The following PCCA variants were observed in gnomAD, a reference collection of about 807,000 sequenced individuals.
PCCA encodes the protein propionyl-CoA carboxylase subunit alpha.
A neutral mutation model predicts 101.3 loss-of-function variants in PCCA; 74 were observed. That is an observed-to-expected ratio of 0.73 (90% CI 0.61 to 0.89). The LOEUF (loss-of-function observed/expected upper bound fraction) is 0.89. Ranked by LOEUF, PCCA falls within the 40% of genes least tolerant of loss-of-function variation. The probability of loss-of-function intolerance (pLI) is 0.00; values close to 1 mark genes in which losing one functional copy is unlikely to be tolerated. For missense variants in PCCA, 891 were observed against 907.0 expected (o/e 0.98, Z 0.23); for synonymous variants, 294 against 313.6 (o/e 0.94, Z 0.66).
chr13:100,135,656 A>AT (rs923559499), intron 4 of PCCA, among the ~76,000 whole-genome samples: 11 of 151,370 alleles, frequency 7.3e-5, no homozygotes, highest in Non-Finnish European at 1.3e-4. Context: ...CTTTTATTTT[A>AT]TTTTTTTCTG....
intron 19 of PCCA, among the ~76,000 whole-genome samples, chr13:100,401,636 C>T (rs2077371689): frequency 1.3e-5 from 2 of 151,878 alleles, no homozygotes; most frequent in Non-Finnish European, 2.9e-5. Context: ...TTGTACCATT[C>T]CCAGTCATTT....
At chr13:100,336,032 TG>T (rs1300361656) in intron 17 of PCCA, among the ~76,000 whole-genome samples, 1 of 151,890 alleles carries the variant, frequency 6.6e-6, no homozygotes, top group Admixed American at 6.6e-5. Context: ...GGAGGCCGAG[TG>T]GGGCGGATCG....
At chr13:100,149,778 A>G (rs1263747596) in intron 4 of PCCA, 1 of 152,188 alleles carries the variant, frequency 6.6e-6, no homozygotes, top group African/African-American at 2.4e-5. Context: ...ATGAAGAAAC[A>G]TTTCCAAACC....
chr13:100,276,213 CAAAA>C (rs59671834), intron 12 of PCCA, among the ~76,000 whole-genome samples: 11 of 102,126 alleles, frequency 1.1e-4, no homozygotes, highest in South Asian at 2.7e-4. Flanking sequence ...TTGTCTGTAC[CAAAA>C]AAAAAAAAAA....
intron 7 of PCCA, among the ~76,000 whole-genome samples, chr13:100,227,390 G>GT (rs769715039): frequency 1.6e-4 from 24 of 152,080 alleles, no homozygotes; most frequent in African/African-American, 2.4e-4. Flanking sequence ...CTCTTTTCAC[G>GT]TTTTTTCTGG....
At chr13:100,434,386 C>T (rs944224890) in intron 20 of PCCA, among the ~76,000 whole-genome samples, 2 of 152,126 alleles carry the variant, frequency 1.3e-5, no homozygotes, top group Non-Finnish European at 2.9e-5. Context: ...ATACCCTTTT[C>T]TACTTCAGAG....
intron 8 of PCCA, among the ~76,000 whole-genome samples, chr13:100,241,900 C>T (rs1183531391): frequency 8.6e-5 from 13 of 152,036 alleles, no homozygotes; most frequent in African/African-American, 3.1e-4. Flanking sequence ...GTATATTCTT[C>T]GAAGTGAAAT....
intron 18 of PCCA, among the ~76,000 whole-genome samples, chr13:100,351,329 G>A (rs1023844504): frequency 6.6e-6 from 1 of 152,152 alleles, no homozygotes; most frequent in African/African-American, 2.4e-5. Flanking sequence ...GTGGTTTAGA[G>A]ATTGTCAGTG....
chr13:100,510,232 A>C (rs1400103397), intron 21 of PCCA, among the ~76,000 whole-genome samples: 1 of 152,204 alleles, frequency 6.6e-6, no homozygotes, highest in Non-Finnish European at 1.5e-5. Flanking sequence ...TTTACTCGAT[A>C]ATCCTTTATC....
intron 22 of PCCA, among the ~76,000 whole-genome samples, chr13:100,527,098 G>A (rs949878736): frequency 2.6e-5 from 4 of 152,004 alleles, no homozygotes; most frequent in African/African-American, 7.2e-5. Flanking sequence ...ATATTTGGTG[G>A]TGGTTTTTTT....
chr13:100,258,976 T>C (rs1489057216), intron 9 of PCCA, among the ~76,000 whole-genome samples: 1 of 152,228 alleles, frequency 6.6e-6, no homozygotes. Flanking sequence ...AGTTGCTCTA[T>C]GTCCCTTATT....
At chr13:100,317,577 C>A (rs758107688) in intron 16 of PCCA, among the ~76,000 whole-genome samples, 1 of 152,122 alleles carries the variant, frequency 6.6e-6, no homozygotes, top group Non-Finnish European at 1.5e-5. Flanking sequence ...CTCATCTCCC[C>A]ATTCTTTGTA....
At chr13:100,292,934 CGTGTGTGTGTGT>C (rs36098330) in intron 12 of PCCA, among the ~76,000 whole-genome samples, 36 of 147,584 alleles carry the variant, frequency 2.4e-4, no homozygotes, top group Admixed American at 4.7e-4. Context: ...TTTCCAAATT[CGTGTGTGTGTGT>C]GTGTGTGTGT....
intron 4 of PCCA, among the ~76,000 whole-genome samples, chr13:100,113,872 C>T (rs1488806436): frequency 6.6e-6 from 1 of 152,082 alleles, no homozygotes; most frequent in Non-Finnish European, 1.5e-5. Flanking sequence ...AGCCACCACG[C>T]CCGGTTTACT....
At position 100,522,742 on chromosome 13, in the gene PCCA, G is replaced by A. The variant is rs560542542; in HGVS notation, c.2041-4933G>A. Reference sequence around the variant, plus strand: ...CAAACAGACCTCAGCCCATTAGAAGGGCCTCCCTTGTGTGGGAGACCACAG... The same window carrying A: ...CAAACAGACCTCAGCCCATTAGAAGAGCCTCCCTTGTGTGGGAGACCACAG... On this transcript the variant is annotated intron_variant, in intron 22 of 23. Coordinates refer to ENST00000376285, the MANE Select transcript of PCCA (RefSeq NM_000282.4). Among the ~76,000 whole-genome samples the A allele has an allele frequency of 2.6e-5, 4 of 152,262 alleles. No homozygotes were observed. In the East Asian group the frequency reaches 7.7e-4, roughly 29 times the overall value.
At chr13:100,388,663 G>A (rs1414132247) in intron 19 of PCCA, among the ~76,000 whole-genome samples, 1 of 152,144 alleles carries the variant, frequency 6.6e-6, no homozygotes, top group African/African-American at 2.4e-5. Flanking sequence ...AGGTGTGGTG[G>A]TGGTCACCTG....
At chr13:100,307,453 C>A (rs1254023528) in intron 15 of PCCA, among the ~76,000 whole-genome samples, 193 bp downstream of exon 15, 1 of 152,142 alleles carries the variant, frequency 6.6e-6, no homozygotes, top group Non-Finnish European at 1.5e-5. Flanking sequence ...TGTAGTACTC[C>A]TCCTCCCCAA....
intron 19 of PCCA, among the ~76,000 whole-genome samples, chr13:100,414,846 A>T (rs1332945768): frequency 6.6e-6 from 1 of 152,198 alleles, no homozygotes; most frequent in Admixed American, 6.5e-5. Context: ...AACTAAAAAG[A>T]AGCAATAAAC....
rs1435271582 is a variant in PCCA, at chr13:100,458,447, A to G, written c.1899+9142A>G. 5.7e-4 allele frequency among the ~76,000 whole-genome samples: 17 copies of G among 29,712 alleles called. No individual in the cohort carries two copies. In the East Asian group the frequency reaches 0.03, roughly 53 times the overall value. 19.5% of individuals were successfully genotyped at this position (29,712 alleles called of 152,430 possible). A position where few individuals can be genotyped will look rare whatever the true frequency, so the allele number is the denominator to read the frequency against. ...CGCACACACACACACACATACACACACACACACACACACACACACACACAC... is the reference window on the plus strand; with the variant it reads ...CGCACACACACACACACATACACACGCACACACACACACACACACACACAC... On this transcript the variant is annotated intron_variant, in intron 21 of 23. Transcript: ENST00000376285.
Sources: gnomAD v4.1 joint callset for allele counts (sites outside exome capture counted in the v4.1 genomes callset) on GRCh38, gnomAD v4.1.1 for gene constraint, MANE v1.5 for transcripts, NCBI Gene and HGNC (gene_info 2026-07-23, HGNC 2026-07-21) for gene names.